The following ENDOU variants were observed in gnomAD, a reference collection of about 807,000 sequenced individuals.
ENDOU encodes endonuclease, poly(U) specific, also known as uridylate-specific endoribonuclease.
In ENDOU, 49 loss-of-function variants were observed where a neutral mutation model predicts 54.2. The observed-to-expected ratio is 0.90, with a 90% CI of 0.72 to 1.15. ENDOU has a LOEUF of 1.15. Among genes scored for constraint, ENDOU ranks in the 50% most tolerant of loss-of-function variants. The pLI is 0.00. For synonymous variants in ENDOU, 172 were observed against 190.5 expected (o/e 0.90, Z 0.80); for missense variants, 458 against 511.4 (o/e 0.90, Z 1.01).
intron 6 of ENDOU, among the ~76,000 whole-genome samples, chr12:47,715,577 A>G (rs552690783): frequency 6.6e-6 from 1 of 152,352 alleles, no homozygotes; most frequent in South Asian, 2.1e-4. Flanking sequence ...TAAGGGAGGC[A>G]GCAGCTCTGA....
intron 2 of ENDOU, among the ~76,000 whole-genome samples, chr12:47,718,793 G>A (rs533025600): frequency 6.6e-6 from 1 of 152,264 alleles, no homozygotes; most frequent in East Asian, 1.9e-4. Context: ...GGGTGGATTT[G>A]AGGTTGGGGG....
At chr12:47,717,458 G>T in intron 4 of ENDOU, 60 bp downstream of exon 4, 1 of 1,575,716 alleles carries the variant, frequency 6.3e-7, no homozygotes, top group South Asian at 1.1e-5. Context: ...ACCACATGTT[G>T]AGAACCTGCT....
chr12:47,713,031 C>A (rs909203478), intron 7 of ENDOU, among the ~76,000 whole-genome samples: 3 of 152,104 alleles, frequency 2.0e-5, no homozygotes, highest in Non-Finnish European at 4.4e-5. Flanking sequence ...TAGATGTACC[C>A]CCTTGGGAGC....
At chr12:47,719,588 G>C (rs1302005747) in intron 2 of ENDOU, 2 of 152,056 alleles carry the variant, frequency 1.3e-5, no homozygotes, top group Non-Finnish European at 2.9e-5. Flanking sequence ...GATATCTTAT[G>C]GTTTTATAAA....
intron 6 of ENDOU, among the ~76,000 whole-genome samples, chr12:47,715,133 T>A (rs998769188): frequency 2.6e-5 from 4 of 152,172 alleles, no homozygotes; most frequent in Non-Finnish European, 5.9e-5. Flanking sequence ...TTAAACCAAG[T>A]CTCTCTGGCC....
intron 4 of ENDOU, 150 bp from the exon 5 acceptor site, chr12:47,717,208 G>A (rs1940278867): frequency 2.9e-6 from 2 of 685,908 alleles, no homozygotes; most frequent in South Asian, 3.5e-5. Flanking sequence ...GGTGGACAGG[G>A]GCCCAGAGCC....
intron 1 of ENDOU, among the ~76,000 whole-genome samples, chr12:47,724,418 A>G (rs1335525936): frequency 6.6e-6 from 1 of 152,226 alleles, no homozygotes; most frequent in Non-Finnish European, 1.5e-5. Flanking sequence ...CCAGTTGGAA[A>G]TGACCCCAAG....
At chr12:47,717,755 C>G in intron 3 of ENDOU, 100 bp from the exon 4 acceptor site, 2 of 1,226,462 alleles carry the variant, frequency 1.6e-6, no homozygotes, top group Middle Eastern at 2.8e-4. Context: ...TCACTCTGCC[C>G]AGTAAAGATC....
chr12:47,723,554 G>A (rs1014404856), intron 1 of ENDOU, among the ~76,000 whole-genome samples: 3 of 151,928 alleles, frequency 2.0e-5, no homozygotes, highest in African/African-American at 4.8e-5. Flanking sequence ...TTCCTCTCTC[G>A]GGTTCAGATT....
chr12:47,712,305 C>T (rs570411025), intron 8 of ENDOU, among the ~76,000 whole-genome samples: 1 of 152,178 alleles, frequency 6.6e-6, no homozygotes, highest in Admixed American at 6.5e-5. Flanking sequence ...TGCCTCCTGT[C>T]CCCTGCAGTT....
chr12:47,722,244 T>C (rs1940455342), intron 1 of ENDOU, among the ~76,000 whole-genome samples: 3 of 152,130 alleles, frequency 2.0e-5, no homozygotes, highest in Admixed American at 1.3e-4. Context: ...GTCCCTAGTA[T>C]TGGATTCTGG....
At chr12:47,715,636 C>G (rs924027583) in intron 6 of ENDOU, among the ~76,000 whole-genome samples, 1 of 152,180 alleles carries the variant, frequency 6.6e-6, no homozygotes, top group Non-Finnish European at 1.5e-5. Flanking sequence ...CAGAGCCACC[C>G]CTGAGACAAA....
intron 2 of ENDOU, 118 bp downstream of exon 2, chr12:47,720,635 T>C: frequency 8.8e-7 from 1 of 1,140,280 alleles, no homozygotes; most frequent in Non-Finnish European, 1.2e-6. Context: ...CCTCAGTGCT[T>C]TCTGTCCAGA....
intron 1 of ENDOU, among the ~76,000 whole-genome samples, chr12:47,723,779 T>C (rs556591561): frequency 5.9e-5 from 9 of 152,154 alleles, no homozygotes; most frequent in South Asian, 2.1e-4. Flanking sequence ...GCTGTTTCCA[T>C]GGAGACCTAG....
At chr12:47,718,082 C>T in intron 3 of ENDOU, 47 bp downstream of exon 3, 1 of 1,498,306 alleles carries the variant, frequency 6.7e-7, no homozygotes, top group Non-Finnish European at 9.1e-7. Flanking sequence ...ACCCTCATGT[C>T]CCTCCTGCTT....
Position 47,725,402 on chromosome 12 carries a change from G to T in ENDOU, c.12C>A (p.Cys4Ter). The change falls in exon 1 of 10, where the codon TGC (cysteine) becomes TGA (stop). Residue 4 changes from cysteine (C) to a stop codon, truncating the protein, a stop_gained. Coordinates refer to ENST00000422538, the MANE Select transcript of ENDOU (RefSeq NM_001172439.2). LOFTEE classifies it high-confidence loss of function. MRA[C>*]ISLVLAVLCG... is the part of the protein sequence containing the mutation. ...ACAGCACGGCCAATACCAGGGAGAT[G>T]CAGGCCCTCATGGTGCCCAGTTGGA... 1 of 1,614,170 alleles carries T rather than the reference G, an allele frequency of 6.2e-7. No individual in the cohort carries two copies. Among genetic ancestry groups the T allele is most frequent in the Non-Finnish European group, 8.5e-7 (1 of 1,180,018 alleles).
rs112570968 is a variant in ENDOU, at chr12:47,711,700, T to C, written c.1048A>G (p.Ile350Val). 3.9e-4 allele frequency: 634 copies of C among 1,614,146 alleles called. No homozygotes were observed. The highest frequency in any genetic ancestry group is 9.9e-4 in the African/African-American group (74 of 75,032). Residue 350 changes from isoleucine (I) to valine (V), a missense_variant, in exon 9 of 10, where the codon ATC (isoleucine) becomes GTC (valine). Transcript: ENST00000422538. Reference protein sequence around the residue: ...GYYKEVGSAFIGSSPEFEFAL... With the variant: ...GYYKEVGSAFVGSSPEFEFAL... ...AACTCAAACTCAGGGCTGCTGCCGA[T>C]GAAAGCAGAGCCCACTTCCTTATAG... is the stretch of plus-strand genomic sequence containing the variant.
At position 47,722,416 on chromosome 12, in the gene ENDOU, T is replaced by A. The variant is rs149994922; in HGVS notation, c.56-1541A>T. Among the ~76,000 whole-genome samples, 590 of 152,328 alleles carry A rather than the reference T, an allele frequency of 3.9e-3. 4 individuals are homozygous for A. The highest frequency in any genetic ancestry group is 0.014 in the African/African-American group (565 of 41,576). On this transcript the variant is annotated intron_variant, in intron 1 of 9. Transcript: ENST00000422538. ...GAACTTCTGTGCGTTGGTTTTCGTA[T>A]CTGTAAAAGTGGGATGATAATGGAG...
intron 5 of ENDOU, 118 bp from the exon 6 acceptor site, chr12:47,716,617 G>A: frequency 2.3e-6 from 2 of 870,312 alleles, no homozygotes; most frequent in South Asian, 3.3e-5. Context: ...GAGCCGAGGG[G>A]GCACTTCGGG....
Sources: allele counts gnomAD v4.1 joint callset (sites outside exome capture counted in the v4.1 genomes callset), GRCh38; gene constraint gnomAD v4.1.1; transcripts MANE v1.5; gene names NCBI Gene and HGNC (gene_info 2026-07-23, HGNC 2026-07-21).